Variants in PTPRB observed in about 807,000 individuals in gnomAD.
The protein encoded by PTPRB is protein tyrosine phosphatase receptor type B.
In PTPRB, 97 loss-of-function variants were observed where a neutral mutation model predicts 238.1. The ratio of observed to expected loss-of-function variants is 0.41; its 90% CI spans 0.35 to 0.48. The LOEUF (loss-of-function observed/expected upper bound fraction) is 0.48, where lower values mean the gene tolerates loss of function less well. Among genes scored for constraint, PTPRB ranks in the 20% least tolerant of loss-of-function variants. The probability of loss-of-function intolerance (pLI) is 0.30; values close to 1 mark genes in which losing one functional copy is unlikely to be tolerated. For synonymous variants in PTPRB, 970 were observed against 995.4 expected (o/e 0.97, Z 0.48); for missense variants, 2,292 against 2,681.9 (o/e 0.85, Z 3.21).
At chr12:70,552,701 C>T (rs1877075040) in intron 21 of PTPRB, 76 bp downstream of exon 21, 1 of 1,539,036 alleles carries the variant, frequency 6.5e-7, no homozygotes. Context: ...AGCTCGCATG[C>T]ATCAGTTGCT....
chr12:70,563,150 G>A, intron 15 of PTPRB, 43 bp from the exon 16 acceptor site: 1 of 1,552,294 alleles, frequency 6.4e-7, no homozygotes, highest in Non-Finnish European at 8.8e-7. Flanking sequence ...GGGAAATGCA[G>A]TGAGGAGAAG....
chr12:70,548,341 C>CTT (rs1555224206), intron 21 of PTPRB, among the ~76,000 whole-genome samples: 1 of 20,584 alleles, frequency 4.9e-5, no homozygotes, highest in Non-Finnish European at 1.0e-4. Context: ...CTCTCTCTCT[C>CTT]TCTCTCACAC....
intron 13 of PTPRB, among the ~76,000 whole-genome samples, chr12:70,570,456 C>T (rs1879895717): frequency 6.6e-6 from 1 of 152,058 alleles, no homozygotes; most frequent in Non-Finnish European, 1.5e-5. Context: ...AAGTGATTCT[C>T]CCACCTCAGC....
Position 70,524,453 on chromosome 12 carries a change from A to T in PTPRB, c.6625+18T>A. The T allele has an allele frequency of 4.4e-6, 7 of 1,583,738 alleles. No homozygotes were observed. Among genetic ancestry groups the T allele is most frequent in the Non-Finnish European group, 6.0e-6 (7 of 1,164,104 alleles). Reference sequence around the variant, plus strand: ...CTTGATGAAGAAACTTGGGGAAGTAAGTGAAGTAAGTGCCCACCTCTGTGA... The same window carrying T: ...CTTGATGAAGAAACTTGGGGAAGTATGTGAAGTAAGTGCCCACCTCTGTGA... On this transcript the variant is annotated intron_variant, in intron 33 of 33. Transcript: ENST00000334414.
intron 12 of PTPRB, 23 bp from the exon 13 acceptor site, chr12:70,571,312 A>G: frequency 6.4e-7 from 1 of 1,559,938 alleles, no homozygotes; most frequent in South Asian, 1.1e-5. Flanking sequence ...ATGAGAAGAC[A>G]TTTCAGGAAA....
rs1315296193 is a variant in PTPRB at position 70,560,371 on chromosome 12, C to T, written c.4432+300G>A. On this transcript the variant is annotated intron_variant, in intron 17 of 33. Coordinates refer to ENST00000334414, the MANE Select transcript of PTPRB (RefSeq NM_001109754.4). The surrounding 1 kb of genome is among the most constrained non-coding windows in gnomAD (Gnocchi z 4.2). ...CCATGACATAAAAACAGTTAGGAAGCACTGGTGATAGCCACACAGTGATGA... is the reference window on the plus strand; with the variant it reads ...CCATGACATAAAAACAGTTAGGAAGTACTGGTGATAGCCACACAGTGATGA... Among the ~76,000 whole-genome samples, 1 of 152,194 alleles carries T rather than the reference C, an allele frequency of 6.6e-6. No homozygotes were observed. Among genetic ancestry groups the T allele is most frequent in the Admixed American group, 6.5e-5 (1 of 15,292 alleles).
intron 9 of PTPRB, among the ~76,000 whole-genome samples, chr12:70,584,028 T>A (rs1333907689): frequency 1.3e-5 from 2 of 152,062 alleles, no homozygotes; most frequent in Non-Finnish European, 2.9e-5. Context: ...AATTTGCATA[T>A]AACAATACAG....
chr12:70,568,537 T>G (rs533722738), intron 14 of PTPRB, among the ~76,000 whole-genome samples: 3 of 152,132 alleles, frequency 2.0e-5, no homozygotes, highest in African/African-American at 4.8e-5. Context: ...GACCTTGTGA[T>G]CCACCCACCT....
At chr12:70,632,176 C>G (rs1003478521) in intron 2 of PTPRB, among the ~76,000 whole-genome samples, 13 of 152,222 alleles carry the variant, frequency 8.5e-5, no homozygotes, top group Admixed American at 3.9e-4. Context: ...TTGGAACCAA[C>G]CCAAATGTCC....
rs1875634182 is a variant in PTPRB, at chr12:70,544,348, T to G, written c.5494+209A>C. On this transcript the variant is annotated intron_variant, in intron 22 of 33. Transcript: ENST00000334414. ...TTTTAATAGAAAAAAATACTGTACTTCCACCTTCTTTTTAGATTAACCCCC... is the reference window on the plus strand; with the variant it reads ...TTTTAATAGAAAAAAATACTGTACTGCCACCTTCTTTTTAGATTAACCCCC... Among the ~76,000 whole-genome samples, 7 of 152,218 alleles carry G rather than the reference T, an allele frequency of 4.6e-5. No individual in the cohort carries two copies. The South Asian group carries it at 1.2e-3, about 27-fold the overall frequency.
At chr12:70,530,917 A>G (rs1032341405) in intron 32 of PTPRB, among the ~76,000 whole-genome samples, 23 of 152,216 alleles carry the variant, frequency 1.5e-4, no homozygotes, top group Non-Finnish European at 4.4e-5. Context: ...TTCATAATAA[A>G]ACATTCAAAA....
intron 4 of PTPRB, among the ~76,000 whole-genome samples, chr12:70,608,567 T>C (rs182901044): frequency 2.6e-5 from 4 of 152,360 alleles, no homozygotes; most frequent in Admixed American, 2.0e-4. Flanking sequence ...ACAATTTTCA[T>C]GTCCTCATTT....
chr12:70,588,095 C>CAAAAAAAAAAAAAAA (rs10558140), intron 8 of PTPRB, among the ~76,000 whole-genome samples: 5 of 104,658 alleles, frequency 4.8e-5, no homozygotes, highest in Admixed American at 1.0e-4. Context: ...GACTCTGTCT[C>CAAAAAAAAAAAAAAA]AAAAAAAAAA....
At chr12:70,536,850 G>T (rs1048047541) in intron 28 of PTPRB, among the ~76,000 whole-genome samples, 1 of 152,136 alleles carries the variant, frequency 6.6e-6, no homozygotes, top group Non-Finnish European at 1.5e-5. Flanking sequence ...CCTCAGCATG[G>T]TGCCTGCTTG....
chr12:70,528,174 T>C (rs1284280122), intron 32 of PTPRB, among the ~76,000 whole-genome samples: 2 of 152,212 alleles, frequency 1.3e-5, no homozygotes, highest in Non-Finnish European at 2.9e-5. Context: ...ATGGAAAGAC[T>C]GAAAGTGGAT....
At chr12:70,564,907 G>A (rs1342205029) in intron 15 of PTPRB, among the ~76,000 whole-genome samples, 1 of 149,866 alleles carries the variant, frequency 6.7e-6, no homozygotes, top group Non-Finnish European at 1.5e-5. Context: ...AGATAAAATT[G>A]TAAGCCCCAA....
intron 12 of PTPRB, 195 bp from the exon 13 acceptor site, chr12:70,571,484 G>T: frequency 3.2e-6 from 2 of 622,878 alleles, no homozygotes; most frequent in South Asian, 4.3e-5. Context: ...TGACATAAAT[G>T]TTACATGATC....
At position 70,596,175 on chromosome 12, in the gene PTPRB, G is replaced by T; in HGVS notation, c.1132C>A (p.Gln378Lys). The T allele has an allele frequency of 6.2e-7, 1 of 1,613,676 alleles. No individual in the cohort carries two copies. Among genetic ancestry groups the T allele is most frequent in the African/African-American group, 1.3e-5 (1 of 74,970 alleles). The change falls in exon 5 of 34, where the codon CAA (glutamine) becomes AAA (lysine). Residue 378 changes from glutamine (Q) to lysine (K), a missense_variant. By Grantham distance (53) the Gln-to-Lys change is moderately conservative. Around this residue, in one of 4 missense-constraint regions of PTPRB, gnomAD observed 1,205 missense variants for 1,287.8 expected, o/e 0.94. Transcript: ENST00000334414. ...NNQKIQGVQI[Q>K]ESTSWNEYTF... ...TATTCATTCCATGAAGTACTTTCTT[G>T]AATTTGAACCCCCTGTATCTTTTGG... is the stretch of plus-strand genomic sequence containing the variant.
rs767370454 is a variant in PTPRB at position 70,590,248 on chromosome 12, G to A, written c.1781-15C>T. ...TTTGTCTGGAACTAAACGGTGAAAT[G>A]ATGTCAAAAAGGAGATATTACAGAC... On this transcript the variant is annotated splice_polypyrimidine_tract_variant and intron_variant, in intron 7 of 33. Coordinates refer to ENST00000334414, the MANE Select transcript of PTPRB (RefSeq NM_001109754.4). 94 of 1,529,480 alleles carry A rather than the reference G, an allele frequency of 6.1e-5. No homozygotes were observed. Among genetic ancestry groups the A allele is most frequent in the Non-Finnish European group, 7.7e-5 (88 of 1,138,880 alleles). 94.7% of individuals were successfully genotyped at this position (1,529,480 alleles called of 1,614,324 possible).
Sources: allele counts gnomAD v4.1 joint callset (sites outside exome capture counted in the v4.1 genomes callset), GRCh38; gene constraint gnomAD v4.1.1; regional missense constraint gnomAD v4.1.1; non-coding constraint Gnocchi (gnomAD v3.1); transcripts MANE v1.5; gene names NCBI Gene and HGNC (gene_info 2026-07-23, HGNC 2026-07-21).